PADI4: variants seen among roughly 807,000 people sequenced by gnomAD.
The protein encoded by PADI4 is protein-arginine deiminase type-4.
Under a neutral mutation model 75.0 loss-of-function variants are expected in PADI4, and 62 were observed. The observed-to-expected ratio is 0.83, with a 90% confidence interval of 0.67 to 1.02. The LOEUF (loss-of-function observed/expected upper bound fraction) is 1.02. PADI4 is among the 50% of genes least tolerant of loss of function. The probability of loss-of-function intolerance (pLI) is 0.00; values close to 1 mark genes in which losing one functional copy is unlikely to be tolerated. For missense variants in PADI4, 845 were observed against 850.5 expected (o/e 0.99, Z 0.08); for synonymous variants, 361 against 348.1 (o/e 1.04, Z -0.41).
chr1:17,330,068 A>C (rs573634906), intron 1 of PADI4, among the ~76,000 whole-genome samples: 2 of 152,344 alleles, frequency 1.3e-5, no homozygotes, highest in South Asian at 2.1e-4. Flanking sequence ...TGCTTTGTAC[A>C]TGCACAATCC....
chr1:17,335,554 C>T (rs1013299858), intron 3 of PADI4, among the ~76,000 whole-genome samples: 14 of 152,252 alleles, frequency 9.2e-5, no homozygotes, highest in African/African-American at 3.4e-4. Flanking sequence ...GTGGGGCACA[C>T]GGATCTATTT....
chr1:17,333,679 A>T (rs1337445118), intron 2 of PADI4, among the ~76,000 whole-genome samples: 1 of 151,676 alleles, frequency 6.6e-6, no homozygotes, highest in Non-Finnish European at 1.5e-5. Flanking sequence ...TCTACCTCAA[A>T]GCACACTCCT....
chr1:17,318,636 AC>A (rs1300819946), intron 1 of PADI4, among the ~76,000 whole-genome samples: 1 of 150,680 alleles, frequency 6.6e-6, no homozygotes, highest in Admixed American at 6.6e-5. Context: ...TTATATTTTC[AC>A]CTTTTGCCGT....
At chr1:17,331,470 G>A (rs1175708567) in intron 2 of PADI4, among the ~76,000 whole-genome samples, 2 of 152,166 alleles carry the variant, frequency 1.3e-5, no homozygotes, top group African/African-American at 2.4e-5. Context: ...GCCCTCATGG[G>A]GCTTACAACC....
intron 10 of PADI4, among the ~76,000 whole-genome samples, chr1:17,351,978 A>ATGGGAGG (rs778707318): frequency 0.029 from 1,711 of 58,866 alleles, 171 homozygotes; most frequent in African/African-American, 0.09. Context: ...CAGGGAGGTG[A>ATGGGAGG]TGGGAGGAGA....
chr1:17,354,459 TA>T, intron 10 of PADI4, 73 bp from the exon 11 acceptor site: 1 of 1,386,418 alleles, frequency 7.2e-7, no homozygotes, highest in Non-Finnish European at 1.0e-6. Context: ...AGTTCATCTC[TA>T]AACTTGGACC....
In PADI4 at chr1:17,350,246, G is replaced by A. The variant is rs180964328; in HGVS notation, c.1155+2198G>A. 1.7e-4 allele frequency among the ~76,000 whole-genome samples: 22 copies of A among 129,394 alleles called. 1 individual carries two copies. Among genetic ancestry groups the A allele is most frequent in the African/African-American group, 5.5e-4 (22 of 40,082 alleles). 84.9% of individuals were successfully genotyped at this position (129,394 alleles called of 152,430 possible). On this transcript the variant is annotated intron_variant, in intron 10 of 15. Coordinates refer to ENST00000375448, the MANE Select transcript of PADI4 (RefSeq NM_012387.3). ...TTCACACACAGTGGTTGTTCTTCCT[G>A]TAAGCATCGTCAGTAAATTTTCTAT...
intron 9 of PADI4, 40 bp from the exon 10 acceptor site, chr1:17,347,901 G>A: frequency 8.2e-7 from 1 of 1,218,176 alleles, no homozygotes. Context: ...CAAGACCCAG[G>A]CAGCACGCGC....
intron 11 of PADI4, 98 bp from the exon 12 acceptor site, chr1:17,355,885 G>A: frequency 1.6e-6 from 2 of 1,225,746 alleles, no homozygotes; most frequent in Non-Finnish European, 1.2e-6. Flanking sequence ...TTTCTCAGCT[G>A]AAGGAGAACC....
chr1:17,319,140 A>C (rs2073992194), intron 1 of PADI4, among the ~76,000 whole-genome samples: 1 of 152,098 alleles, frequency 6.6e-6, no homozygotes, highest in African/African-American at 2.4e-5. Context: ...ATCTACTACC[A>C]CATGCCCCTT....
At chr1:17,347,381 T>A (rs1460089857) in intron 9 of PADI4, among the ~76,000 whole-genome samples, 2 of 152,220 alleles carry the variant, frequency 1.3e-5, no homozygotes, top group Non-Finnish European at 2.9e-5. Context: ...ACCTGCCTGC[T>A]AGAATACAAG....
chr1:17,333,857 C>T (rs78540609), intron 2 of PADI4, 86 bp from the exon 3 acceptor site: 11,670 of 1,023,676 alleles, frequency 0.011, 113 homozygotes, highest in Non-Finnish European at 0.013. Context: ...CCCCAGTGCC[C>T]TACCCTGAGC....
At chr1:17,315,776 C>T (rs1190863685) in intron 1 of PADI4, among the ~76,000 whole-genome samples, 1 of 151,980 alleles carries the variant, frequency 6.6e-6, no homozygotes, top group Non-Finnish European at 1.5e-5. Flanking sequence ...TCATACCTTC[C>T]CTTGTAGCCC....
At position 17,343,930 on chromosome 1, in the gene PADI4, G is replaced by T. The variant is rs193233481; in HGVS notation, c.935+1528G>T. On this transcript the variant is annotated intron_variant, in intron 8 of 15. Coordinates refer to ENST00000375448, the MANE Select transcript of PADI4 (RefSeq NM_012387.3). ...CAGTAGAGGGGGGCGTTGCTGAAAA[G>T]ATACCCAAAATGTGGAAGCAACTTT... 9.8e-5 allele frequency among the ~76,000 whole-genome samples: 15 copies of T among 152,302 alleles called. No homozygotes were observed. The East Asian group carries it at 2.9e-3, about 29-fold the overall frequency.
At chr1:17,354,983 A>C (rs1005955143) in intron 11 of PADI4, among the ~76,000 whole-genome samples, 3 of 152,216 alleles carry the variant, frequency 2.0e-5, no homozygotes. Flanking sequence ...AGTCCTTACC[A>C]CTACTCTAGT....
rs865971749 is a variant in PADI4, at chr1:17,336,631, G to A, written c.408+405G>A. 4.1e-4 allele frequency among the ~76,000 whole-genome samples: 63 copies of A among 152,328 alleles called. No homozygotes were observed. In the Middle Eastern group the frequency reaches 0.017, roughly 41 times the overall value. On this transcript the variant is annotated intron_variant, in intron 4 of 15. Transcript: ENST00000375448. The stretch of plus-strand genomic sequence containing the variant: ...GGAAGAAATGGCAGGGGGAGAGGCG[G>A]GAAGGAGCCAGGTGGGGAGAGGGAG...
intron 15 of PADI4, among the ~76,000 whole-genome samples, chr1:17,360,428 G>C (rs1294458219): frequency 6.6e-6 from 1 of 152,140 alleles, no homozygotes; most frequent in African/African-American, 2.4e-5. Context: ...AGTCTCTGTT[G>C]ATTAGGCAAA....
At chr1:17,348,083 C>A (rs369334315) in intron 10 of PADI4, 35 bp downstream of exon 10, 15 of 1,339,724 alleles carry the variant, frequency 1.1e-5, no homozygotes, top group Non-Finnish European at 1.3e-5. Context: ...GCACAGCTGC[C>A]GAAACCCTCT....
chr1:17,313,525 A>T (rs900900168), intron 1 of PADI4, among the ~76,000 whole-genome samples: 3 of 146,544 alleles, frequency 2.0e-5, no homozygotes, highest in Non-Finnish European at 4.5e-5. Flanking sequence ...AAAAAAAGGA[A>T]AGGAAGGAAA....
Sources: gnomAD v4.1 joint callset for allele counts (sites outside exome capture counted in the v4.1 genomes callset) on GRCh38, gnomAD v4.1.1 for gene constraint, MANE v1.5 for transcripts, NCBI Gene and HGNC (gene_info 2026-07-23, HGNC 2026-07-21) for gene names.